ZNF385D: variants seen among roughly 807,000 people sequenced by gnomAD.
ZNF385D encodes the protein zinc finger protein 659.
A neutral mutation model predicts 35.8 loss-of-function variants in ZNF385D; 15 were observed. The observed-to-expected ratio is 0.42, with a 90% CI of 0.28 to 0.64. ZNF385D has a LOEUF of 0.64. Among genes scored for constraint, ZNF385D ranks in the 30% least tolerant of loss-of-function variants. ZNF385D has a pLI of 0.23. For missense variants in ZNF385D, 474 were observed against 494.6 expected, an observed-to-expected ratio of 0.96 and a Z score of 0.39; for synonymous variants, 212 against 186.8, an observed-to-expected ratio of 1.13 and a Z score of -1.10.
chr3:22,207,385 C>A (rs758413610), intron 2 of ZNF385D, among the ~76,000 whole-genome samples: 4 of 151,824 alleles, frequency 2.6e-5, no homozygotes, highest in African/African-American at 7.2e-5. Flanking sequence ...AAACTGGACA[C>A]GCATATGCAG....
intron 3 of ZNF385D, among the ~76,000 whole-genome samples, chr3:22,084,226 A>G (rs1342845057): frequency 2.0e-5 from 3 of 152,208 alleles, no homozygotes; most frequent in African/African-American, 7.2e-5. Flanking sequence ...AAATTCACAC[A>G]TAACAATATT....
chr3:21,667,415 G>A (rs1283017634), intron 1 of ZNF385D, among the ~76,000 whole-genome samples: 3 of 152,122 alleles, frequency 2.0e-5, no homozygotes, highest in Non-Finnish European at 4.4e-5. Context: ...ACCCACCTCG[G>A]CCTCCCAAAG....
intron 3 of ZNF385D, among the ~76,000 whole-genome samples, chr3:21,940,713 G>A (rs1410449441): frequency 2.0e-5 from 3 of 152,166 alleles, no homozygotes; most frequent in Non-Finnish European, 4.4e-5. Context: ...GTTAGGCTAC[G>A]AGGATAAAAG....
chr3:22,362,004 T>C (rs1483256745), intron 2 of ZNF385D, among the ~76,000 whole-genome samples: 3 of 151,692 alleles, frequency 2.0e-5, no homozygotes, highest in African/African-American at 4.8e-5. Context: ...TCATTTCTAA[T>C]GGCAGACGTT....
chr3:22,265,259 C>CCT (rs1417778711), intron 2 of ZNF385D, among the ~76,000 whole-genome samples: 1 of 151,926 alleles, frequency 6.6e-6, no homozygotes, highest in Non-Finnish European at 1.5e-5. Context: ...TTTGGAAAGA[C>CCT]CTCTCTGAGG....
chr3:21,658,224 A>G (rs1000604359), intron 2 of ZNF385D, among the ~76,000 whole-genome samples: 1 of 152,064 alleles, frequency 6.6e-6, no homozygotes, highest in Non-Finnish European at 1.5e-5. Context: ...GATGAATACT[A>G]TAAAGAATTG....
intron 3 of ZNF385D, among the ~76,000 whole-genome samples, chr3:21,527,293 T>C (rs1190094226): frequency 6.6e-6 from 1 of 152,182 alleles, no homozygotes; most frequent in Admixed American, 6.5e-5. Context: ...TTGACGAAGA[T>C]TTCTTGGTTT....
At chr3:21,739,025 T>C (rs1159620038) in intron 1 of ZNF385D, among the ~76,000 whole-genome samples, 7 of 152,212 alleles carry the variant, frequency 4.6e-5, no homozygotes, top group Non-Finnish European at 1.0e-4. Context: ...GCTTCCCAAC[T>C]AATCATCACA....
intron 2 of ZNF385D, among the ~76,000 whole-genome samples, chr3:22,290,728 G>T (rs1702258322): frequency 6.6e-6 from 1 of 152,084 alleles, no homozygotes. Flanking sequence ...CCAACGTGTA[G>T]GATTTTCTCA....
chr3:21,598,184 C>T (rs1445103558), intron 2 of ZNF385D, among the ~76,000 whole-genome samples: 2 of 152,078 alleles, frequency 1.3e-5, no homozygotes, highest in Non-Finnish European at 2.9e-5. Context: ...TCATCATTTT[C>T]AAAGACGGTA....
intron 3 of ZNF385D, among the ~76,000 whole-genome samples, chr3:21,806,336 C>G (rs2072645846): frequency 6.6e-6 from 1 of 151,960 alleles, no homozygotes; most frequent in Non-Finnish European, 1.5e-5. Flanking sequence ...TCCCGAGCAG[C>G]TGGGACTACA....
chr3:21,655,488 G>A (rs773597448), intron 2 of ZNF385D, among the ~76,000 whole-genome samples: 1 of 151,862 alleles, frequency 6.6e-6, no homozygotes, highest in Non-Finnish European at 1.5e-5. Context: ...GACAATGATT[G>A]CCATATACAG....
In ZNF385D at chr3:21,814,856, C is replaced by G. The variant is rs1447068913; in HGVS notation, c.326-149828G>C. On this transcript the variant is annotated intron_variant, in intron 3 of 5. Coordinates refer to the ZNF385D transcript ENST00000494108. ...ACCTAATAGACATCTACAGAGCTCT[C>G]CACCCCAAATCAACAGAATATACAT... is the stretch of plus-strand genomic sequence containing the variant. Among the ~76,000 whole-genome samples, 3 of 152,174 alleles carry G rather than the reference C, an allele frequency of 2.0e-5. No homozygotes were observed. The East Asian group carries it at 5.8e-4, about 29-fold the overall frequency.
chr3:21,677,766 G>A (rs1470299975), intron 1 of ZNF385D, among the ~76,000 whole-genome samples: 1 of 151,796 alleles, frequency 6.6e-6, no homozygotes, highest in Non-Finnish European at 1.5e-5. Flanking sequence ...TATATACATA[G>A]GCTGTTAATT....
intron 3 of ZNF385D, among the ~76,000 whole-genome samples, chr3:21,945,175 G>A (rs866779576): frequency 4.4e-5 from 4 of 91,230 alleles, no homozygotes; most frequent in Admixed American, 4.4e-4. Flanking sequence ...TATATATATA[G>A]TGAGAGAGAG....
intron 3 of ZNF385D, among the ~76,000 whole-genome samples, chr3:21,922,209 G>T (rs1406912092): frequency 2.0e-5 from 3 of 151,978 alleles, no homozygotes; most frequent in South Asian, 4.1e-4. Flanking sequence ...TGGCCATACT[G>T]CCCAAAGCAA....
chr3:21,758,903 G>A (rs1332166874), intron 3 of ZNF385D, among the ~76,000 whole-genome samples: 3 of 130,362 alleles, frequency 2.3e-5, no homozygotes, highest in Non-Finnish European at 4.7e-5. Context: ...CATAACTTTG[G>A]TAGTCCCAGA....
chr3:22,264,631 T>C (rs1700804484), intron 2 of ZNF385D, among the ~76,000 whole-genome samples: 2 of 151,934 alleles, frequency 1.3e-5, no homozygotes, highest in East Asian at 1.9e-4. Flanking sequence ...TATTAATATA[T>C]ATTTACTTAA....
intron 3 of ZNF385D, among the ~76,000 whole-genome samples, chr3:22,091,674 G>C (rs1259041048): frequency 6.6e-6 from 1 of 152,140 alleles, no homozygotes; most frequent in Non-Finnish European, 1.5e-5. Context: ...TCAGTCCACA[G>C]ACACAGAGCC....
Sources: gnomAD v4.1 joint callset for allele counts (sites outside exome capture counted in the v4.1 genomes callset) on GRCh38, gnomAD v4.1.1 for gene constraint, MANE v1.5 for transcripts, NCBI Gene and HGNC (gene_info 2026-07-23, HGNC 2026-07-21) for gene names.